Variants in GPHN observed in about 807,000 individuals in gnomAD.
The protein encoded by GPHN is gephyrin.
In GPHN, 17 loss-of-function variants were observed where a neutral mutation model predicts 95.5. That is an observed-to-expected ratio of 0.18 (90% confidence interval 0.12 to 0.27). The LOEUF (loss-of-function observed/expected upper bound fraction) is 0.27, where lower values mean the gene tolerates loss of function less well. Ranked by LOEUF, GPHN falls within the 10% of genes least tolerant of loss-of-function variation. GPHN has a pLI of 1.00. For synonymous variants in GPHN, 320 were observed against 322.5 expected (o/e 0.99, Z 0.08); for missense variants, 660 against 978.1 (o/e 0.67, Z 4.34).
At chr14:67,684,761 C>A in the GPHN span, 1 of 298,562 alleles carries the variant, frequency 3.3e-6, no homozygotes. Flanking sequence ...ATAAAGAAAA[C>A]TGGACTGACA....
At position 66,880,671 on chromosome 14, in the gene GPHN, T is replaced by C. The variant is rs980616900; in HGVS notation, c.389+638T>C. Among the ~76,000 whole-genome samples, 3 of 152,122 alleles carry C rather than the reference T, an allele frequency of 2.0e-5. No individual in the cohort carries two copies. The South Asian group carries it at 6.2e-4, about 32-fold the overall frequency. On this transcript the variant is annotated intron_variant, in intron 5 of 22. Transcript: ENST00000478722. ...AGAAGCTCAATTCATATTGTTAATC[T>C]TTTAATGCTTGGCAACTGGGTATAT...
At chr14:66,695,229 A>G (rs2068038022) in intron 2 of GPHN, among the ~76,000 whole-genome samples, 2 of 152,202 alleles carry the variant, frequency 1.3e-5, no homozygotes. Context: ...AGACCTTAAC[A>G]AACACCTCAC....
At chr14:67,151,258 T>A (rs112948748) in intron 18 of GPHN, among the ~76,000 whole-genome samples, 2 of 152,186 alleles carry the variant, frequency 1.3e-5, no homozygotes, top group Non-Finnish European at 2.9e-5. Context: ...CACAGAACCA[T>A]AAATATTCAT....
the GPHN span, among the ~76,000 whole-genome samples, chr14:67,325,253 CTCTTCA>C: frequency 1.3e-5 from 2 of 152,070 alleles, no homozygotes; most frequent in African/African-American, 2.4e-5. Flanking sequence ...CTTCCTCTTC[CTCTTCA>C]CCCTCCAAAA....
chr14:67,053,680 A>G (rs1207302742), intron 10 of GPHN, among the ~76,000 whole-genome samples: 2 of 152,348 alleles, frequency 1.3e-5, no homozygotes, highest in Non-Finnish European at 2.9e-5. Flanking sequence ...CTTCAGGCCA[A>G]TATCCCTGAT....
intron 1 of GPHN, among the ~76,000 whole-genome samples, chr14:66,606,070 C>T (rs1158511264): frequency 6.6e-6 from 1 of 152,012 alleles, no homozygotes; most frequent in Non-Finnish European, 1.5e-5. Context: ...CTTTGCCAAA[C>T]CTGATGTCAA....
At chr14:66,758,455 G>GCTT (rs2058646228) in intron 2 of GPHN, among the ~76,000 whole-genome samples, 1 of 152,196 alleles carries the variant, frequency 6.6e-6, no homozygotes, top group South Asian at 2.1e-4. Context: ...ATCTCCCTCA[G>GCTT]AGGCTTGTCT....
intron 2 of GPHN, among the ~76,000 whole-genome samples, chr14:66,740,061 T>TATCACAAA (rs1402297789): frequency 1.1e-4 from 16 of 152,132 alleles, no homozygotes; most frequent in African/African-American, 3.9e-4. Context: ...AAGAAATTAT[T>TATCACAAA]GAGAATTTAT....
At chr14:66,901,866 T>C (rs1376091267) in intron 5 of GPHN, among the ~76,000 whole-genome samples, 1 of 152,074 alleles carries the variant, frequency 6.6e-6, no homozygotes, top group Middle Eastern at 3.2e-3. Flanking sequence ...TTAGGCTCTT[T>C]TGTGGTTCCA....
the GPHN span, among the ~76,000 whole-genome samples, chr14:67,371,786 C>T: frequency 1.3e-5 from 2 of 152,182 alleles, no homozygotes; most frequent in African/African-American, 4.8e-5. Flanking sequence ...TTTTATGAGG[C>T]CATCATAACC....
At chr14:67,589,944 G>C in the GPHN span, 1 of 1,326,816 alleles carries the variant, frequency 7.5e-7, no homozygotes. Flanking sequence ...CCTGCTCTAT[G>C]GCTCTAAGAT....
intron 8 of GPHN, among the ~76,000 whole-genome samples, chr14:66,953,865 C>T (rs990540775): frequency 7.2e-5 from 11 of 151,972 alleles, no homozygotes; most frequent in African/African-American, 2.7e-4. Flanking sequence ...AAACCCCGTC[C>T]CTACTAAAAA....
intron 1 of GPHN, among the ~76,000 whole-genome samples, chr14:66,584,107 T>C (rs1481262918): frequency 6.6e-6 from 1 of 152,154 alleles, no homozygotes; most frequent in African/African-American, 2.4e-5. Context: ...TTCACATCCC[T>C]TGTAAGTTGG....
chr14:67,050,381 A>G (rs2075252728), intron 10 of GPHN, among the ~76,000 whole-genome samples: 1 of 152,208 alleles, frequency 6.6e-6, no homozygotes, highest in Non-Finnish European at 1.5e-5. Context: ...AAGATTTGCC[A>G]TTCATTAAAT....
chr14:67,498,794 T>C, the GPHN span, among the ~76,000 whole-genome samples: 1 of 151,964 alleles, frequency 6.6e-6, no homozygotes, highest in Non-Finnish European at 1.5e-5. Flanking sequence ...GTCTCTCGAG[T>C]AGCTGAGATT....
chr14:67,429,922 G>A, the GPHN span, among the ~76,000 whole-genome samples: 1 of 152,138 alleles, frequency 6.6e-6, no homozygotes, highest in South Asian at 2.1e-4. Flanking sequence ...TTTTACAAAT[G>A]AAGAAACAGA....
chr14:67,691,748 G>A, the GPHN span: 1 of 155,756 alleles, frequency 6.4e-6, no homozygotes, highest in Non-Finnish European at 1.4e-5. Context: ...CTTTTTCCTT[G>A]GAGGCCTAGA....
At chr14:66,710,450 G>C (rs1024415545) in intron 2 of GPHN, among the ~76,000 whole-genome samples, 2 of 152,158 alleles carry the variant, frequency 1.3e-5, no homozygotes, top group African/African-American at 2.4e-5. Context: ...GTCGTGATAT[G>C]TCTTTTTTCA....
chr14:67,135,911 T>A (rs1259155876), intron 17 of GPHN, among the ~76,000 whole-genome samples: 1 of 152,188 alleles, frequency 6.6e-6, no homozygotes, highest in African/African-American at 2.4e-5. Flanking sequence ...CTTGGAGATA[T>A]TTCTACCACT....
Sources: allele counts gnomAD v4.1 joint callset (sites outside exome capture counted in the v4.1 genomes callset), GRCh38; gene constraint gnomAD v4.1.1; transcripts MANE v1.5; gene names NCBI Gene and HGNC (gene_info 2026-07-23, HGNC 2026-07-21).